IQSEC3: variants seen among roughly 807,000 people sequenced by gnomAD.
IQSEC3 encodes IQ motif and Sec7 domain ArfGEF 3.
Under a neutral mutation model 105.4 loss-of-function variants are expected in IQSEC3, and 50 were observed. The ratio of observed to expected loss-of-function variants is 0.47; its 90% confidence interval spans 0.38 to 0.60. The LOEUF is 0.60. IQSEC3 is among the 20% of genes least tolerant of loss of function. The pLI is 0.00. For missense variants in IQSEC3, 1,415 were observed against 1,630.0 expected, an observed-to-expected ratio of 0.87 and a Z score of 2.27; for synonymous variants, 708 against 746.0, an observed-to-expected ratio of 0.95 and a Z score of 0.83.
chr12:143,783 C>T (rs1323318782), intron 5 of IQSEC3: 1 of 173,282 alleles, frequency 5.8e-6, no homozygotes, highest in African/African-American at 2.4e-5. Context: ...AAACATCGAG[C>T]ACTTATTTAT....
At chr12:168,542 T>A (rs75748509) in intron 11 of IQSEC3, among the ~76,000 whole-genome samples, 9,884 of 152,244 alleles carry the variant, frequency 0.065, 981 homozygotes, top group African/African-American at 0.21. Context: ...TTTTTGCCAT[T>A]ACTTTCGCAC....
chr12:162,815 A>G (rs1348044965), intron 8 of IQSEC3, among the ~76,000 whole-genome samples: 1 of 152,082 alleles, frequency 6.6e-6, no homozygotes, highest in African/African-American at 2.4e-5. Flanking sequence ...GCTCTCGCAC[A>G]CCTGCATCTC....
At chr12:126,656 G>A (rs561528778) in intron 3 of IQSEC3, among the ~76,000 whole-genome samples, 48 of 151,618 alleles carry the variant, frequency 3.2e-4, no homozygotes, top group Non-Finnish European at 4.9e-4. Flanking sequence ...TCCAGTCCTC[G>A]CTCTTCCTCC....
At chr12:158,270 T>C (rs1555095125) in intron 7 of IQSEC3, among the ~76,000 whole-genome samples, 1 of 152,184 alleles carries the variant, frequency 6.6e-6, no homozygotes, top group African/African-American at 2.4e-5. Flanking sequence ...AGAAAAAAAT[T>C]AGTCGCTGCC....
chr12:108,825 A>G (rs1252463845), intron 2 of IQSEC3, among the ~76,000 whole-genome samples: 2 of 152,208 alleles, frequency 1.3e-5, no homozygotes, highest in Non-Finnish European at 2.9e-5. Flanking sequence ...TCTCATCAGC[A>G]AAGGCATCCC....
At chr12:158,724 T>TTG (rs1866784707) in intron 7 of IQSEC3, among the ~76,000 whole-genome samples, 4 of 152,206 alleles carry the variant, frequency 2.6e-5, no homozygotes. Context: ...AGTGGTGCAG[T>TTG]CTCAGCTCAC....
At chr12:89,479 C>T (rs1565387098) in intron 1 of IQSEC3, among the ~76,000 whole-genome samples, 1 of 152,246 alleles carries the variant, frequency 6.6e-6, no homozygotes, top group Middle Eastern at 3.4e-3. Context: ...AAATTAGATA[C>T]AATAAAATTC....
chr12:77,110 T>TC (rs1555069379), intron 1 of IQSEC3, among the ~76,000 whole-genome samples: 1 of 152,268 alleles, frequency 6.6e-6, no homozygotes, highest in Non-Finnish European at 1.5e-5. Context: ...CCTCCGTGTT[T>TC]CCCGCGCACA....
chr12:102,468 T>C (rs1555076445), intron 2 of IQSEC3, among the ~76,000 whole-genome samples: 1 of 152,182 alleles, frequency 6.6e-6, no homozygotes, highest in Non-Finnish European at 1.5e-5. Context: ...AGGGTCCCTT[T>C]CCTGAGCAAG....
chr12:156,929 G>A (rs1380379367), intron 5 of IQSEC3, 96 bp from the exon 6 acceptor site: 3 of 1,384,772 alleles, frequency 2.2e-6, no homozygotes, highest in Non-Finnish European at 2.8e-6. Flanking sequence ...GAGGGGCCCT[G>A]CACCTGTCCT....
At chr12:77,970 C>T (rs536760409) in intron 1 of IQSEC3, among the ~76,000 whole-genome samples, 1 of 152,040 alleles carries the variant, frequency 6.6e-6, no homozygotes, top group East Asian at 1.9e-4. Context: ...CAGCGTCCAG[C>T]CTCGCACTTC....
rs117409188 is a variant in IQSEC3 at position 105,846 on chromosome 12, G to A, written c.623+6632G>A. Among the ~76,000 whole-genome samples, 204 of 152,306 alleles carry A rather than the reference G, an allele frequency of 1.3e-3. 4 individuals are homozygous for A. The East Asian group carries it at 0.036, about 27-fold the overall frequency. On this transcript the variant is annotated intron_variant, in intron 2 of 13. Transcript: ENST00000538872. ...CCAATTTCCTTGTGTAATTTTCCCT[G>A]CCAGGCCTTGAGCATCCTCTGAGAC...
Position 175,266 on chromosome 12 carries a change from T to C in IQSEC3, c.*233T>C. On this transcript the variant is annotated 3_prime_UTR_variant, in exon 14 of 14. Coordinates refer to ENST00000538872, the MANE Select transcript of IQSEC3 (RefSeq NM_001170738.2). ...GACACACCTCACTCTCCCAGGGCCC[T>C]ACACAGCCAGACCCGGCGAGGCCTC... 1 of 479,516 alleles carries C rather than the reference T, an allele frequency of 2.1e-6. No homozygotes were observed. 29.7% of individuals were successfully genotyped at this position (479,516 alleles called of 1,614,324 possible).
chr12:158,599 G>A (rs57097854), intron 7 of IQSEC3, among the ~76,000 whole-genome samples: 15,891 of 152,180 alleles, frequency 0.1, 1,735 homozygotes, highest in African/African-American at 0.28. Context: ...GACGAGTCCT[G>A]CCAGTCCTTG....
chr12:157,269 T>C, intron 6 of IQSEC3, 122 bp downstream of exon 6: 1 of 1,350,584 alleles, frequency 7.4e-7, no homozygotes, highest in Non-Finnish European at 9.9e-7. Flanking sequence ...AAACACCCCT[T>C]CTGGTGTGGG....
At chr12:76,117 CACACACACACA>C (rs1863513020) in intron 1 of IQSEC3, among the ~76,000 whole-genome samples, 1 of 151,662 alleles carries the variant, frequency 6.6e-6, no homozygotes, top group East Asian at 1.9e-4. Context: ...CACACACACA[CACACACACACA>C]CACAAGGCCT....
At chr12:136,784 A>G (rs1555086520) in intron 3 of IQSEC3, among the ~76,000 whole-genome samples, 1 of 138,766 alleles carries the variant, frequency 7.2e-6, no homozygotes, top group East Asian at 2.0e-4. Context: ...AGAGTCTAGG[A>G]TGCCACCATT....
At chr12:126,051 G>A in intron 3 of IQSEC3, 139 bp downstream of exon 3, 1 of 941,716 alleles carries the variant, frequency 1.1e-6, no homozygotes, top group Non-Finnish European at 1.5e-6. Context: ...CCTGCATTGA[G>A]CGACCTAGTT....
intron 8 of IQSEC3, 101 bp from the exon 9 acceptor site, chr12:163,393 T>C: frequency 2.6e-6 from 3 of 1,142,654 alleles, no homozygotes; most frequent in Non-Finnish European, 2.3e-6. Context: ...ACCGGGCCCC[T>C]CCCCTCTCCC....
Sources: gnomAD v4.1 joint callset for allele counts (sites outside exome capture counted in the v4.1 genomes callset) on GRCh38, gnomAD v4.1.1 for gene constraint, MANE v1.5 for transcripts, NCBI Gene and HGNC (gene_info 2026-07-23, HGNC 2026-07-21) for gene names.